Variants in GFUS observed in about 807,000 individuals in gnomAD.
The protein encoded by GFUS is GDP-L-fucose synthase.
A neutral mutation model predicts 41.5 loss-of-function variants in GFUS; 42 were observed. The ratio of observed to expected loss-of-function variants is 1.01; its 90% CI spans 0.79 to 1.31. The LOEUF (loss-of-function observed/expected upper bound fraction) is 1.31, where lower values mean the gene tolerates loss of function less well. Among genes scored for constraint, GFUS ranks in the 50% most tolerant of loss-of-function variants. GFUS has a pLI of 0.00. For synonymous variants in GFUS, 188 were observed against 173.4 expected (o/e 1.08, Z -0.66); for missense variants, 437 against 428.7 (o/e 1.02, Z -0.17).
intron 10 of GFUS, 26 bp from the exon 11 acceptor site, chr8:143,612,991 A>G (rs1446979715): frequency 1.2e-6 from 2 of 1,606,254 alleles, no homozygotes; most frequent in Non-Finnish European, 1.7e-6. Context: ...GGTGAGGGCC[A>G]TGGACAGGGA....
chr8:143,615,049 CG>C, intron 3 of GFUS, 134 bp from the exon 4 acceptor site: 1 of 1,377,926 alleles, frequency 7.3e-7, no homozygotes, highest in Non-Finnish European at 9.7e-7. Flanking sequence ...CCATCCTAAC[CG>C]TTTCCGGACA....
chr8:143,615,854 G>T (rs1829712184), intron 3 of GFUS: 1 of 433,378 alleles, frequency 2.3e-6, no homozygotes, highest in Admixed American at 3.9e-5. Flanking sequence ...TCCCAATGCT[G>T]CAAGTCAGCT....
chr8:143,613,667 C>T (rs1370546534), intron 8 of GFUS, 64 bp from the exon 9 acceptor site: 14 of 1,585,864 alleles, frequency 8.8e-6, no homozygotes, highest in Admixed American at 3.6e-5. Context: ...AATATTCCTG[C>T]TCCCACCCCT....
rs182388766 is a variant in GFUS, at chr8:143,616,721, C to A, written c.-9G>T. ...CCCTGGGGTTCACCCATGTCAGTTG[C>A]ACCTGTAATGTCAAACAGTGGGAGG... On this transcript the variant is annotated splice_region_variant and 5_prime_UTR_variant, in exon 2 of 11. Coordinates refer to ENST00000425753, the MANE Select transcript of GFUS (RefSeq NM_003313.4). 2 of 1,613,638 alleles carry A rather than the reference C, an allele frequency of 1.2e-6. No individual in the cohort carries two copies. The highest frequency in any genetic ancestry group is 1.7e-5 in the Admixed American group (1 of 60,008).
At position 143,613,465 on chromosome 8, in the gene GFUS, G is replaced by T. The variant is rs1829631142; in HGVS notation, c.810+59C>A. The stretch of plus-strand genomic sequence containing the variant: ...ACCCACGCTGGCCCTACACCGGGTG[G>T]CCACTGAGCCCGCCCAAGGGGCCCC... On this transcript the variant is annotated intron_variant, in intron 9 of 10. Coordinates refer to ENST00000425753, the MANE Select transcript of GFUS (RefSeq NM_003313.4). 4 of 1,578,300 alleles carry T rather than the reference G, an allele frequency of 2.5e-6. No homozygotes were observed. The Admixed American group carries it at 6.9e-5, about 27-fold the overall frequency.
At chr8:143,615,416 G>A (rs1829701111) in intron 3 of GFUS, among the ~76,000 whole-genome samples, 1 of 152,224 alleles carries the variant, frequency 6.6e-6, no homozygotes, top group Non-Finnish European at 1.5e-5. Flanking sequence ...GGAGCCCTGG[G>A]ACTGGTCTTG....
chr8:143,615,486 G>A (rs1243650764), intron 3 of GFUS, among the ~76,000 whole-genome samples: 2 of 152,178 alleles, frequency 1.3e-5, no homozygotes, highest in African/African-American at 4.8e-5. Flanking sequence ...CCGACAAAGA[G>A]GGCTCTGGGG....
intron 7 of GFUS, 101 bp from the exon 8 acceptor site, chr8:143,613,918 G>T (rs1292621989): frequency 1.5e-6 from 2 of 1,339,360 alleles, no homozygotes; most frequent in East Asian, 2.5e-5. Context: ...TTCAGTGGGG[G>T]CTCAGCCTGG....
At chr8:143,613,471 G>A (rs1829631243) in intron 9 of GFUS, 53 bp downstream of exon 9, 1 of 1,591,142 alleles carries the variant, frequency 6.3e-7, no homozygotes, top group Non-Finnish European at 8.6e-7. Context: ...GGTGGCCACT[G>A]AGCCCGCCCA....
chr8:143,613,409 C>T (rs1286653442), intron 9 of GFUS, 114 bp from the exon 10 acceptor site: 1 of 1,484,864 alleles, frequency 6.7e-7, no homozygotes, highest in Non-Finnish European at 9.3e-7. Context: ...CTCCGCCTGC[C>T]AGGGTGAGCA....
intron 2 of GFUS, 167 bp from the exon 3 acceptor site, chr8:143,616,387 G>A (rs775903248): frequency 4.3e-6 from 5 of 1,168,426 alleles, no homozygotes; most frequent in East Asian, 2.4e-5. Context: ...AGAGATGGGA[G>A]GGTGTTTGTT....
rs183609919 is a variant in GFUS at position 143,612,707 on chromosome 8, G to A, written c.*203C>T. On this transcript the variant is annotated 3_prime_UTR_variant, in exon 11 of 11. Transcript: ENST00000425753. The stretch of plus-strand genomic sequence containing the variant: ...AGGGGGCTGGTGTGGGGAGCAAAGC[G>A]CCGGGCCTGCCCGGGACCCTGGTTT... 155 of 635,542 alleles carry A rather than the reference G, an allele frequency of 2.4e-4. No homozygotes were observed. The African/African-American group carries it at 2.5e-3, about 10-fold the overall frequency. The allele number at this position is 635,542 out of a possible 1,614,324, so 39.4% of individuals were successfully genotyped here. A position where few individuals can be genotyped will look rare whatever the true frequency, so the allele number is the denominator to read the frequency against.
chr8:143,612,801 A>T lies in GFUS; in HGVS notation c.*109T>A. On this transcript the variant is annotated 3_prime_UTR_variant, in exon 11 of 11. Coordinates refer to ENST00000425753, the MANE Select transcript of GFUS (RefSeq NM_003313.4). ...TGGGGCTGCAGAGCGGATGGAATGC[A>T]GGCCCAGGTTGCTGGGTGGTGCCCT... The T allele has an allele frequency of 7.5e-7, 1 of 1,326,506 alleles. No homozygotes were observed. Among genetic ancestry groups the T allele is most frequent in the Admixed American group, 2.0e-5 (1 of 49,294 alleles). The allele number at this position is 1,326,506 out of a possible 1,614,324, so 82.2% of individuals were successfully genotyped here.
At chr8:143,613,917 G>C in intron 7 of GFUS, 100 bp from the exon 8 acceptor site, 1 of 1,342,694 alleles carries the variant, frequency 7.4e-7, no homozygotes, top group Non-Finnish European at 1.0e-6. Context: ...GTTCAGTGGG[G>C]GCTCAGCCTG....
rs766674298 is a variant in GFUS at position 143,613,531 on chromosome 8, T to G, written c.803A>C (p.Glu268Ala). Residue 268 changes from glutamate (E) to alanine (A), a missense_variant, in exon 9 of 11, where the codon GAA becomes GCA. Transcript: ENST00000425753. ...ACTGGAGCCAGAGGATACGGTGACT[T>G]CCCCATGGAAGTCCATGGCCTCCAC... is the stretch of plus-strand genomic sequence containing the variant. ...AVVEAMDFHG[E>A]VTFDTTKSDG... 6.2e-7 allele frequency: 1 copy of G among 1,610,736 alleles called. No homozygotes were observed. The highest frequency in any genetic ancestry group is 8.5e-7 in the Non-Finnish European group (1 of 1,179,772).
chr8:143,613,924 C>G (rs1829648186), intron 7 of GFUS, 107 bp from the exon 8 acceptor site: 2 of 1,315,104 alleles, frequency 1.5e-6, no homozygotes, highest in Non-Finnish European at 2.1e-6. Context: ...GGGGGCTCAG[C>G]CTGGGGAACA....
Position 143,614,675 on chromosome 8 carries a change from T to G in GFUS, c.413A>C (p.Asn138Thr), listed in dbSNP as rs759573887. The change falls in exon 5 of 11, where the codon AAC (asparagine) becomes ACC (threonine). Residue 138 changes from asparagine (N) to threonine (T), a missense_variant. Coordinates refer to ENST00000425753, the MANE Select transcript of GFUS (RefSeq NM_003313.4). ...GGCATACGAGTACCCAAAATTGCTG[T>G]TGTGGGGAGGCCCATTGTGGATCTG... ...ETMIHNGPPH[N>T]SNFGYSYAKR... 6.2e-7 allele frequency: 1 copy of G among 1,611,304 alleles called. No homozygotes were observed. Among genetic ancestry groups the G allele is most frequent in the Non-Finnish European group, 8.5e-7 (1 of 1,178,018 alleles).
rs1829611759 is a variant in GFUS at position 143,612,932 on chromosome 8, T to C, written c.944A>G (p.Asn315Ser). ...GCTTCACTTCCGGGCCTGCTCGTAG[T>C]TGTCAGTGAACCAAGCACAGGTCTC... Reference protein sequence around the residue: ...VKETCAWFTDNYEQARK With the variant: ...VKETCAWFTDSYEQARK The change falls in exon 11 of 11, where the codon AAC becomes AGC. Residue 315 changes from asparagine to serine, a missense_variant. By Grantham distance (46) the Asn-to-Ser change is conservative. Coordinates refer to ENST00000425753, the MANE Select transcript of GFUS (RefSeq NM_003313.4). 6.2e-7 allele frequency: 1 copy of C among 1,610,632 alleles called. No individual in the cohort carries two copies. The highest frequency in any genetic ancestry group is 8.5e-7 in the Non-Finnish European group (1 of 1,178,934).
chr8:143,614,872 A>G lies in GFUS; in HGVS notation c.305T>C (p.Phe102Ser). ...CACCACCTTGCGGGCGCCCACCTCA[A>G]AGGCCGAGTGCAGGACGTTGTCGTT... The part of the protein sequence containing the change: ...HMNDNVLHSA[F>S]EVGARKVVSC... The change falls in exon 4 of 11, where the codon TTT (phenylalanine) becomes TCT (serine). Residue 102 changes from phenylalanine to serine, a missense_variant. Transcript: ENST00000425753. 4 of 1,613,464 alleles carry G rather than the reference A, an allele frequency of 2.5e-6. No individual in the cohort carries two copies. Among genetic ancestry groups the G allele is most frequent in the Non-Finnish European group, 3.4e-6 (4 of 1,179,860 alleles).
Sources: allele counts gnomAD v4.1 joint callset (sites outside exome capture counted in the v4.1 genomes callset), GRCh38; gene constraint gnomAD v4.1.1; transcripts MANE v1.5; gene names NCBI Gene and HGNC (gene_info 2026-07-23, HGNC 2026-07-21).